GRIN2A: variants seen among roughly 807,000 people sequenced by gnomAD.
GRIN2A encodes the protein glutamate receptor ionotropic, NMDA 2A.
In GRIN2A, 22 loss-of-function variants were observed where a neutral mutation model predicts 113.4. The ratio of observed to expected loss-of-function variants is 0.19; its 90% CI spans 0.14 to 0.28. The LOEUF (loss-of-function observed/expected upper bound fraction) is 0.28, where lower values mean the gene tolerates loss of function less well. GRIN2A is among the 10% of genes least tolerant of loss of function. The probability of loss-of-function intolerance (pLI) is 1.00; values close to 1 mark genes in which losing one functional copy is unlikely to be tolerated. For synonymous variants in GRIN2A, 827 were observed against 738.4 expected, an observed-to-expected ratio of 1.12 and a Z score of -1.94; for missense variants, 1,502 against 1,887.0, an observed-to-expected ratio of 0.80 and a Z score of 3.78.
chr16:9,829,012 A>T (rs1182321873), intron 9 of GRIN2A, among the ~76,000 whole-genome samples: 1 of 152,118 alleles, frequency 6.6e-6, no homozygotes, highest in Admixed American at 6.6e-5. Flanking sequence ...CAGGTCATAG[A>T]TGAGGTACCC....
At chr16:10,011,571 G>A (rs1312793254) in intron 2 of GRIN2A, among the ~76,000 whole-genome samples, 1 of 152,206 alleles carries the variant, frequency 6.6e-6, no homozygotes, top group Non-Finnish European at 1.5e-5. Flanking sequence ...ACTGCTGTGT[G>A]CTGAAGTAAC....
At chr16:9,825,003 T>C (rs1047740791) in intron 9 of GRIN2A, among the ~76,000 whole-genome samples, 4 of 151,908 alleles carry the variant, frequency 2.6e-5, no homozygotes, top group Non-Finnish European at 5.9e-5. Context: ...AAGAATCCAA[T>C]ATGGGCTTTA....
At chr16:9,958,822 C>G (rs2045365799) in intron 2 of GRIN2A, among the ~76,000 whole-genome samples, 1 of 152,154 alleles carries the variant, frequency 6.6e-6, no homozygotes, top group South Asian at 2.1e-4. Context: ...CATAAACTGC[C>G]TTAACAGACT....
At chr16:9,891,206 C>T (rs1000726866) in intron 3 of GRIN2A, 106 bp from the exon 4 acceptor site, 1 of 729,818 alleles carries the variant, frequency 1.4e-6, no homozygotes, top group African/African-American at 1.7e-5. Context: ...TATAAACTTA[C>T]AATGCTATAT....
intron 2 of GRIN2A, among the ~76,000 whole-genome samples, chr16:10,039,302 A>T (rs1351172368): frequency 1.3e-5 from 2 of 152,196 alleles, no homozygotes; most frequent in East Asian, 3.9e-4. Context: ...TCAAAGGCGA[A>T]TGCGAATGTG....
chr16:9,873,157 T>C (rs1567362097), intron 4 of GRIN2A, among the ~76,000 whole-genome samples: 1 of 152,126 alleles, frequency 6.6e-6, no homozygotes, highest in Non-Finnish European at 1.5e-5. Flanking sequence ...GAATGTGTAA[T>C]GATAGACAAT....
At chr16:9,902,436 TC>T (rs1464818438) in intron 3 of GRIN2A, among the ~76,000 whole-genome samples, 3 of 152,180 alleles carry the variant, frequency 2.0e-5, no homozygotes, top group African/African-American at 7.2e-5. Flanking sequence ...GGAGCCTGGG[TC>T]CCGGACACTG....
chr16:10,120,486 G>A (rs892907232), intron 2 of GRIN2A, among the ~76,000 whole-genome samples: 9 of 152,116 alleles, frequency 5.9e-5, no homozygotes, highest in Non-Finnish European at 1.2e-4. Context: ...AAAGCCAGTG[G>A]CCCTTTTTCT....
chr16:10,024,247 G>A (rs1055508889), intron 2 of GRIN2A, among the ~76,000 whole-genome samples: 8 of 150,368 alleles, frequency 5.3e-5, no homozygotes, highest in Admixed American at 2.6e-4. Context: ...TGTTTGAGAC[G>A]GAGCCTCGCT....
chr16:10,077,606 C>A (rs193207906), intron 2 of GRIN2A, among the ~76,000 whole-genome samples: 168 of 152,340 alleles, frequency 1.1e-3, no homozygotes, highest in Non-Finnish European at 1.8e-3. Flanking sequence ...CCAAACCCTG[C>A]AATGGTGTTT....
chr16:10,026,265 C>T (rs949302967), intron 2 of GRIN2A, among the ~76,000 whole-genome samples: 1 of 152,116 alleles, frequency 6.6e-6, no homozygotes, highest in Admixed American at 6.5e-5. Context: ...CTTCCTAAGC[C>T]TCAGTTTGCT....
chr16:10,035,966 C>A (rs529207159), intron 2 of GRIN2A, among the ~76,000 whole-genome samples: 71 of 152,246 alleles, frequency 4.7e-4, no homozygotes, highest in African/African-American at 1.7e-3. Context: ...TCAAGTGATC[C>A]GCCTGCCTGG....
chr16:9,822,571 G>C, intron 9 of GRIN2A, 147 bp from the exon 10 acceptor site: 1 of 695,140 alleles, frequency 1.4e-6, no homozygotes, highest in Non-Finnish European at 2.6e-6. Context: ...ACAATAAAAT[G>C]TTGCTTTTTG....
chr16:10,000,211 T>C (rs1351789692), intron 2 of GRIN2A, among the ~76,000 whole-genome samples: 1 of 152,172 alleles, frequency 6.6e-6, no homozygotes, highest in Non-Finnish European at 1.5e-5. Flanking sequence ...AAAATCTCTT[T>C]TGCCAAATTA....
intron 2 of GRIN2A, among the ~76,000 whole-genome samples, chr16:10,109,892 AATT>A (rs1700508382): frequency 7.0e-6 from 1 of 142,628 alleles, no homozygotes; most frequent in African/African-American, 2.5e-5. Flanking sequence ...AAAAAAATAA[AATT>A]TTTTTTAATT....
At chr16:10,074,955 C>G (rs1028013027) in intron 2 of GRIN2A, among the ~76,000 whole-genome samples, 1 of 152,130 alleles carries the variant, frequency 6.6e-6, no homozygotes, top group Admixed American at 6.5e-5. Context: ...GGCCTAAGTG[C>G]TATTATACAT....
intron 2 of GRIN2A, among the ~76,000 whole-genome samples, chr16:10,083,051 A>T (rs1184018702): frequency 6.6e-6 from 1 of 152,256 alleles, no homozygotes; most frequent in Non-Finnish European, 1.5e-5. Context: ...CAGTGAGCAT[A>T]GGAAGAGGAA....
intron 2 of GRIN2A, among the ~76,000 whole-genome samples, chr16:9,968,707 A>G (rs898570534): frequency 6.2e-4 from 94 of 152,132 alleles, no homozygotes; most frequent in African/African-American, 2.2e-3. Context: ...TCCCGGGTTC[A>G]AGAGAGTCTC....
intron 2 of GRIN2A, among the ~76,000 whole-genome samples, chr16:9,940,042 AAGAG>A (rs565915376): frequency 1.8e-3 from 245 of 139,770 alleles, no homozygotes; most frequent in South Asian, 4.6e-3. Flanking sequence ...GAGAGAGAGA[AAGAG>A]AGAGAGAGAG....
Sources: allele counts gnomAD v4.1 joint callset (sites outside exome capture counted in the v4.1 genomes callset), GRCh38; gene constraint gnomAD v4.1.1; transcripts MANE v1.5; gene names NCBI Gene and HGNC (gene_info 2026-07-23, HGNC 2026-07-21).